RAPGEF5: variants seen among roughly 807,000 people sequenced by gnomAD.
RAPGEF5 encodes M-Ras-regulated GEF.
In RAPGEF5, 65 loss-of-function variants were observed where a neutral mutation model predicts 125.2. The ratio of observed to expected loss-of-function variants is 0.52; its 90% CI spans 0.43 to 0.64. The LOEUF is 0.64. Ranked by LOEUF, RAPGEF5 falls within the 30% of genes least tolerant of loss-of-function variation. The pLI is 0.00. For synonymous variants in RAPGEF5, 391 were observed against 385.9 expected, an observed-to-expected ratio of 1.01 and a Z score of -0.16; for missense variants, 958 against 1,048.1, an observed-to-expected ratio of 0.91 and a Z score of 1.19.
At chr7:22,261,536 T>G (rs749714182) in intron 7 of RAPGEF5, among the ~76,000 whole-genome samples, 9 of 152,136 alleles carry the variant, frequency 5.9e-5, no homozygotes, top group Admixed American at 2.0e-4. Flanking sequence ...TGCTTGAGCC[T>G]GGGAGGTCAA....
chr7:22,196,921 G>A (rs191423056), intron 9 of RAPGEF5, among the ~76,000 whole-genome samples: 56 of 152,310 alleles, frequency 3.7e-4, no homozygotes, highest in African/African-American at 1.2e-3. Context: ...GATTGTTAAG[G>A]AGGAACAGTA....
chr7:22,129,261 C>T lies in RAPGEF5; in HGVS notation c.2481+1776G>A, dbSNP rs10267902. Among the ~76,000 whole-genome samples, 1,368 of 152,210 alleles carry T rather than the reference C, an allele frequency of 9.0e-3. 18 individuals are homozygous for T. The highest frequency in any genetic ancestry group is 0.031 in the African/African-American group (1,305 of 41,518). On this transcript the variant is annotated intron_variant, in intron 24 of 25. Transcript: ENST00000665637. ...GTTCACTTTAGGGAGGTCAACCTCA[C>T]GTCTGCCCTCAACAACAGGCAACAG... is the stretch of plus-strand genomic sequence containing the variant.
At chr7:22,332,364 A>G (rs1435465173) in intron 1 of RAPGEF5, among the ~76,000 whole-genome samples, 1 of 152,214 alleles carries the variant, frequency 6.6e-6, no homozygotes, top group Non-Finnish European at 1.5e-5. Flanking sequence ...TGAGCAAATG[A>G]AGCTCCAGGA....
intron 9 of RAPGEF5, among the ~76,000 whole-genome samples, chr7:22,214,976 C>A (rs1785600738): frequency 6.6e-6 from 1 of 152,206 alleles, no homozygotes; most frequent in East Asian, 1.9e-4. Context: ...GAAGGCCCTG[C>A]CTCAACCATC....
At chr7:22,296,350 G>GCC (rs1384789543) in intron 5 of RAPGEF5, among the ~76,000 whole-genome samples, 1 of 152,136 alleles carries the variant, frequency 6.6e-6, no homozygotes, top group Non-Finnish European at 1.5e-5. Context: ...ACAAGGAGGA[G>GCC]CCACACAGGG....
chr7:22,139,980 T>A, intron 21 of RAPGEF5, 45 bp downstream of exon 21: 1 of 1,462,052 alleles, frequency 6.8e-7, no homozygotes, highest in Non-Finnish European at 9.4e-7. Flanking sequence ...TAAATTACTT[T>A]ATTTCCATTT....
At chr7:22,342,544 G>T (rs1784148711) in intron 1 of RAPGEF5, among the ~76,000 whole-genome samples, 2 of 152,190 alleles carry the variant, frequency 1.3e-5, no homozygotes, top group Non-Finnish European at 2.9e-5. Context: ...TTGTCAGGCT[G>T]CAAATTTTCC....
At position 22,185,954 on chromosome 7, in the gene RAPGEF5, A is replaced by C. The variant is rs56852333; in HGVS notation, c.1204+7413T>G. On this transcript the variant is annotated intron_variant, in intron 11 of 25. Coordinates refer to ENST00000665637, the MANE Select transcript of RAPGEF5 (RefSeq NM_012294.5). Reference sequence around the variant, plus strand: ...ACTGAAACCTCCCCCTCTAGCATTCAAGCAATTCTCATGCCTCAGTGCCAC... The same window carrying C: ...ACTGAAACCTCCCCCTCTAGCATTCCAGCAATTCTCATGCCTCAGTGCCAC... Among the ~76,000 whole-genome samples the C allele has an allele frequency of 9.2e-3, 1,399 of 152,000 alleles. 26 individuals carry two copies. Among genetic ancestry groups the C allele is most frequent in the African/African-American group, 0.033 (1,348 of 41,426 alleles).
intron 24 of RAPGEF5, 40 bp downstream of exon 24, chr7:22,130,997 T>C (rs1336214361): frequency 3.9e-6 from 6 of 1,535,530 alleles, no homozygotes; most frequent in Non-Finnish European, 5.3e-6. Flanking sequence ...CATACATTTC[T>C]GTTACTGTAA....
intron 3 of RAPGEF5, among the ~76,000 whole-genome samples, chr7:22,313,399 A>C (rs1716389104): frequency 6.6e-6 from 1 of 152,214 alleles, no homozygotes. Context: ...GGAATACTTT[A>C]CCTCAATTTA....
In RAPGEF5 at chr7:22,357,077, G is replaced by T; in HGVS notation, c.-17C>A. 9.7e-7 allele frequency: 1 copy of T among 1,027,328 alleles called. No homozygotes were observed. Among genetic ancestry groups the T allele is most frequent in the South Asian group, 4.3e-5 (1 of 23,442 alleles). 63.6% of individuals were successfully genotyped at this position (1,027,328 alleles called of 1,614,324 possible). A position where few individuals can be genotyped will look rare whatever the true frequency, so the allele number is the denominator to read the frequency against. On this transcript the variant is annotated 5_prime_UTR_variant, in exon 1 of 26. Transcript: ENST00000665637. ...CATCCTCATGCCCTGACGGCGCTGC[G>T]GCGCCGGGGGCTCCTCTCCACCGCG...
Position 22,227,338 on chromosome 7 carries a change from T to C in RAPGEF5, c.870+3508A>G, listed in dbSNP as rs146528356. Among the ~76,000 whole-genome samples, 300 of 152,310 alleles carry C rather than the reference T, an allele frequency of 2.0e-3. 1 individual carries two copies. Among genetic ancestry groups the C allele is most frequent in the African/African-American group, 6.4e-3 (268 of 41,568 alleles). On this transcript the variant is annotated intron_variant, in intron 8 of 25. Coordinates refer to ENST00000665637, the MANE Select transcript of RAPGEF5 (RefSeq NM_012294.5). ...AGTATTAAATAAGAGCTTTCTTTAG[T>C]ATGCATATTTTTAAAAGTTATAGTC... is the stretch of plus-strand genomic sequence containing the variant.
At chr7:22,197,149 A>T (rs2128127135) in intron 9 of RAPGEF5, among the ~76,000 whole-genome samples, 1 of 152,294 alleles carries the variant, frequency 6.6e-6, no homozygotes, top group South Asian at 2.1e-4. Context: ...AAAGATGGTA[A>T]GTCTAAGAAA....
rs149166874 is a variant in RAPGEF5 at position 22,245,655 on chromosome 7, C to A, written c.797-14736G>T. Among the ~76,000 whole-genome samples, 1,170 of 152,182 alleles carry A rather than the reference C, an allele frequency of 7.7e-3. 14 individuals carry two copies. The highest frequency in any genetic ancestry group is 0.025 in the African/African-American group (1,046 of 41,534). ...AAAGTACATGTATTTTGAATTTCCACATAAACTGAGAAAACCATAGGCTAC... is the reference window on the plus strand; with the variant it reads ...AAAGTACATGTATTTTGAATTTCCAAATAAACTGAGAAAACCATAGGCTAC... On this transcript the variant is annotated intron_variant, in intron 7 of 25. Coordinates refer to ENST00000665637, the MANE Select transcript of RAPGEF5 (RefSeq NM_012294.5).
intron 12 of RAPGEF5, 107 bp from the exon 13 acceptor site, chr7:22,162,648 A>C: frequency 9.1e-7 from 1 of 1,103,042 alleles, no homozygotes. Flanking sequence ...GTGTATAAAC[A>C]TGCAGGAAGA....
At chr7:22,254,846 C>T (rs952155810) in intron 7 of RAPGEF5, among the ~76,000 whole-genome samples, 1 of 152,072 alleles carries the variant, frequency 6.6e-6, no homozygotes, top group African/African-American at 2.4e-5. Flanking sequence ...ACAGGGGTCG[C>T]GCACCTGTGA....
In RAPGEF5 at chr7:22,204,569, C is replaced by T. The variant is rs1248217881; in HGVS notation, c.997-10536G>A. Among the ~76,000 whole-genome samples the T allele has an allele frequency of 2.0e-5, 3 of 152,194 alleles. No individual in the cohort carries two copies. In the East Asian group the frequency reaches 5.8e-4, roughly 29 times the overall value. On this transcript the variant is annotated intron_variant, in intron 9 of 25. Coordinates refer to ENST00000665637, the MANE Select transcript of RAPGEF5 (RefSeq NM_012294.5). ...AATGAAAAATTTCTAGCTACTGTAG[C>T]AGCTGCCAGATCACATGGAATGAGA...
At chr7:22,241,553 C>A (rs993948996) in intron 7 of RAPGEF5, among the ~76,000 whole-genome samples, 1 of 152,164 alleles carries the variant, frequency 6.6e-6, no homozygotes, top group African/African-American at 2.4e-5. Context: ...ACTTCTTGTA[C>A]AATTGTTTGT....
rs142822221 is a variant in RAPGEF5 at position 22,152,953 on chromosome 7, C to T, written c.1786+1502G>A. ...TGATGATTAGCAATGGGTCTATAGA[C>T]ATTACAACGCTATTGCCCATACTGA... On this transcript the variant is annotated intron_variant, in intron 17 of 25. Coordinates refer to ENST00000665637, the MANE Select transcript of RAPGEF5 (RefSeq NM_012294.5). 8.5e-5 allele frequency among the ~76,000 whole-genome samples: 13 copies of T among 152,264 alleles called. 2 individuals carry two copies. The East Asian group carries it at 1.9e-3, about 23-fold the overall frequency.
Sources: gnomAD v4.1 joint callset for allele counts (sites outside exome capture counted in the v4.1 genomes callset) on GRCh38, gnomAD v4.1.1 for gene constraint, MANE v1.5 for transcripts, NCBI Gene and HGNC (gene_info 2026-07-23, HGNC 2026-07-21) for gene names.